Variants in AGBL1 observed in about 807,000 individuals in gnomAD.
The protein encoded by AGBL1 is AGBL carboxypeptidase 1.
AGBL1 carries 130 observed loss-of-function variants against 118.9 expected under a neutral mutation model. That is an observed-to-expected ratio of 1.09 (90% CI 0.95 to 1.26). AGBL1 has a LOEUF of 1.26. Among genes scored for constraint, AGBL1 ranks in the 50% most tolerant of loss-of-function variants. The pLI is 0.00. For synonymous variants in AGBL1, 555 were observed against 478.9 expected (o/e 1.16, Z -2.08); for missense variants, 1,584 against 1,298.1 (o/e 1.22, Z -3.38).
intron 18 of AGBL1, among the ~76,000 whole-genome samples, chr15:86,435,371 G>A (rs529530518): frequency 6.6e-6 from 1 of 152,264 alleles, no homozygotes; most frequent in East Asian, 1.9e-4. Context: ...AGTATTGTGA[G>A]GATTATTGTT....
At chr15:86,899,248 A>C (rs2080177130) in intron 22 of AGBL1, among the ~76,000 whole-genome samples, 1 of 152,226 alleles carries the variant, frequency 6.6e-6, no homozygotes, top group Non-Finnish European at 1.5e-5. Flanking sequence ...ACGTGGATGG[A>C]GCTGAAGGCC....
At chr15:86,145,670 A>C (rs2077023961) in intron 3 of AGBL1, among the ~76,000 whole-genome samples, 1 of 152,180 alleles carries the variant, frequency 6.6e-6, no homozygotes, top group African/African-American at 2.4e-5. Flanking sequence ...CACCTGCATG[A>C]GCGTGTCCCA....
At chr15:86,524,544 T>C (rs2083235725) in intron 19 of AGBL1, among the ~76,000 whole-genome samples, 1 of 152,108 alleles carries the variant, frequency 6.6e-6, no homozygotes, top group Admixed American at 6.5e-5. Flanking sequence ...AGGGTTTTTG[T>C]TGGGGGGTCA....
At chr15:87,014,569 A>AGTT (rs540452225) in intron 24 of AGBL1, among the ~76,000 whole-genome samples, 107 of 152,310 alleles carry the variant, frequency 7.0e-4, no homozygotes, top group Middle Eastern at 3.4e-3. Context: ...GATCTAGGCG[A>AGTT]GTTATTATGA....
intron 5 of AGBL1, among the ~76,000 whole-genome samples, chr15:86,172,887 A>G (rs997754586): frequency 9.2e-5 from 14 of 152,232 alleles, no homozygotes; most frequent in Middle Eastern, 3.4e-3. Flanking sequence ...ACTGGATTGC[A>G]TGATAGTCCT....
In AGBL1 at chr15:86,911,798, T is replaced by C. The variant is rs945419537; in HGVS notation, c.*4504T>C. On this transcript the variant is annotated 3_prime_UTR_variant, in exon 23 of 23. Coordinates refer to ENST00000614907, the MANE Select transcript of AGBL1 (RefSeq NM_001386094.1). ...TATCACCTTTCTTCTATAAAACTTG[T>C]CCTCATCACCCAATGCCAAGTTATA... 4 of 152,206 alleles carry C rather than the reference T, an allele frequency of 2.6e-5. No individual in the cohort carries two copies. Among genetic ancestry groups the C allele is most frequent in the African/African-American group, 7.2e-5 (3 of 41,442 alleles). 9.4% of individuals were successfully genotyped at this position (152,206 alleles called of 1,614,324 possible).
chr15:86,156,465 G>A (rs1046181973), intron 4 of AGBL1, among the ~76,000 whole-genome samples: 8 of 152,044 alleles, frequency 5.3e-5, no homozygotes, highest in Middle Eastern at 3.2e-3. Context: ...CTCTCTAAAG[G>A]CCCTATCTCC....
chr15:86,352,381 G>A (rs1596003731), intron 17 of AGBL1, among the ~76,000 whole-genome samples: 2 of 152,090 alleles, frequency 1.3e-5, no homozygotes, highest in East Asian at 3.9e-4. Context: ...CAACTCATGT[G>A]CTGAGTGATC....
At chr15:86,364,996 CACATATATATAT>C (rs1189499038) in intron 17 of AGBL1, among the ~76,000 whole-genome samples, 23 of 70,948 alleles carry the variant, frequency 3.2e-4, no homozygotes, top group African/African-American at 1.1e-3. Flanking sequence ...TATACACACA[CACATATATATAT>C]ACACACACAT....
intron 21 of AGBL1, among the ~76,000 whole-genome samples, chr15:86,581,213 A>G (rs534237415): frequency 2.6e-5 from 4 of 152,198 alleles, no homozygotes; most frequent in Admixed American, 6.5e-5. Flanking sequence ...TGGGCTTTTT[A>G]GTTCAACAAT....
chr15:86,871,352 C>G (rs914804261), intron 22 of AGBL1, among the ~76,000 whole-genome samples: 1 of 152,172 alleles, frequency 6.6e-6, no homozygotes, highest in Non-Finnish European at 1.5e-5. Flanking sequence ...CAATAGGAAG[C>G]CCAGATACCT....
chr15:86,561,272 A>AGG (rs2142286265), intron 21 of AGBL1, among the ~76,000 whole-genome samples: 1 of 152,292 alleles, frequency 6.6e-6, no homozygotes, highest in East Asian at 1.9e-4. Flanking sequence ...GTTTTCTTCT[A>AGG]GGGTTTTTAT....
At chr15:86,550,572 G>T (rs1343953842) in intron 20 of AGBL1, among the ~76,000 whole-genome samples, 2 of 152,050 alleles carry the variant, frequency 1.3e-5, no homozygotes, top group African/African-American at 4.8e-5. Flanking sequence ...AATCAGCAAG[G>T]TGTAACAATT....
At chr15:86,704,533 A>T (rs1196608275) in intron 22 of AGBL1, among the ~76,000 whole-genome samples, 1 of 152,208 alleles carries the variant, frequency 6.6e-6, no homozygotes, top group Admixed American at 6.5e-5. Context: ...TATCAAAAGA[A>T]GTTCATCATC....
At chr15:87,029,031 A>C (rs1192275090) in exon 25 of AGBL1, 1 of 560,126 alleles carries the variant, frequency 1.8e-6, no homozygotes, top group East Asian at 2.9e-5. Context: ...GGCAATCTTC[A>C]TAAAAATAGA....
chr15:86,995,446 C>A (rs1403577494), intron 24 of AGBL1, among the ~76,000 whole-genome samples: 1 of 152,066 alleles, frequency 6.6e-6, no homozygotes, highest in African/African-American at 2.4e-5. Flanking sequence ...GTTAACCAAC[C>A]TGTCCAAGTT....
At chr15:86,558,862 T>C (rs1309240410) in intron 21 of AGBL1, among the ~76,000 whole-genome samples, 2 of 152,170 alleles carry the variant, frequency 1.3e-5, no homozygotes, top group African/African-American at 4.8e-5. Context: ...TGACTGTATT[T>C]ATTTTCTGTG....
intron 17 of AGBL1, among the ~76,000 whole-genome samples, chr15:86,360,993 T>C (rs1426747924): frequency 6.6e-6 from 1 of 151,872 alleles, no homozygotes; most frequent in Non-Finnish European, 1.5e-5. Context: ...TGCTCTAATA[T>C]TTATTTTCTT....
intron 18 of AGBL1, among the ~76,000 whole-genome samples, chr15:86,516,857 C>T (rs779962977): frequency 6.0e-5 from 9 of 150,796 alleles, no homozygotes; most frequent in African/African-American, 2.2e-4. Context: ...GCAAGTGATG[C>T]GGTAGGGCTC....
Sources: gnomAD v4.1 joint callset for allele counts (sites outside exome capture counted in the v4.1 genomes callset) on GRCh38, gnomAD v4.1.1 for gene constraint, MANE v1.5 for transcripts, NCBI Gene and HGNC (gene_info 2026-07-23, HGNC 2026-07-21) for gene names.